RGS7: variants seen among roughly 807,000 people sequenced by gnomAD.
RGS7 encodes the protein regulator of G-protein signaling 7.
A neutral mutation model predicts 81.1 loss-of-function variants in RGS7; 27 were observed. The observed-to-expected ratio is 0.33, with a 90% CI of 0.25 to 0.46. RGS7 has a LOEUF of 0.46. RGS7 is among the 20% of genes least tolerant of loss of function. The pLI is 1.00. For missense variants in RGS7, 396 were observed against 607.4 expected (o/e 0.65, Z 3.66); for synonymous variants, 208 against 207.7 (o/e 1.00, Z -0.01).
intron 3 of RGS7, among the ~76,000 whole-genome samples, chr1:241,063,646 C>T (rs146094522): frequency 6.6e-6 from 1 of 152,284 alleles, no homozygotes; most frequent in East Asian, 1.9e-4. Flanking sequence ...ATATCTTGTC[C>T]TATTTTCCAA....
chr1:240,887,956 G>A (rs970112491), intron 6 of RGS7, among the ~76,000 whole-genome samples: 2 of 152,024 alleles, frequency 1.3e-5, no homozygotes, highest in Admixed American at 1.3e-4. Context: ...GGCCACTTGG[G>A]GATACAAAAG....
In RGS7 at chr1:240,958,127, G is replaced by A. The variant is rs529274171; in HGVS notation, c.227-21421C>T. On this transcript the variant is annotated intron_variant, in intron 4 of 18. Transcript: ENST00000440928. Reference sequence around the variant, plus strand: ...CTACAAGTTGAGAAAGCCTCAGGCCGGAGAAGGATGCAAGGCTGTGTCCTT... The same window carrying A: ...CTACAAGTTGAGAAAGCCTCAGGCCAGAGAAGGATGCAAGGCTGTGTCCTT... Among the ~76,000 whole-genome samples the A allele has an allele frequency of 4.6e-5, 7 of 152,328 alleles. No homozygotes were observed. The East Asian group carries it at 9.7e-4, about 21-fold the overall frequency.
At chr1:240,902,810 A>G (rs1670224392) in intron 6 of RGS7, among the ~76,000 whole-genome samples, 1 of 152,232 alleles carries the variant, frequency 6.6e-6, no homozygotes, top group Admixed American at 6.5e-5. Flanking sequence ...GAATTAAATG[A>G]TATTAGTAAC....
At chr1:241,224,463 A>G (rs563279150) in intron 2 of RGS7, among the ~76,000 whole-genome samples, 4 of 152,192 alleles carry the variant, frequency 2.6e-5, no homozygotes, top group South Asian at 2.1e-4. Flanking sequence ...TCCAAGGTGT[A>G]TATGTGGTAC....
intron 4 of RGS7, among the ~76,000 whole-genome samples, chr1:240,977,395 ATG>A (rs760373215): frequency 2.8e-4 from 40 of 144,138 alleles, no homozygotes; most frequent in East Asian, 5.8e-4. Flanking sequence ...ATACACACAT[ATG>A]TGTGTGTGTG....
At chr1:241,075,694 T>C (rs148657244) in intron 3 of RGS7, among the ~76,000 whole-genome samples, 3,625 of 152,326 alleles carry the variant, frequency 0.024, 61 homozygotes, top group Non-Finnish European at 0.038. Context: ...ATGCAGCCTG[T>C]GGGCCATGGG....
At chr1:241,094,358 T>C in intron 3 of RGS7, among the ~76,000 whole-genome samples, 1 of 152,050 alleles carries the variant, frequency 6.6e-6, no homozygotes, top group Non-Finnish European at 1.5e-5. Context: ...AATTCTATAA[T>C]GTACATACAC....
chr1:240,868,177 CGAAGGAAGGAAG>C lies in RGS7; in HGVS notation c.609+398_609+409del, dbSNP rs959497079. ...AAGAAAGGACGGAGGGAGGGAAGGA[CGAAGGAAGGAAG>C]GAAGGAACGAAGGAACGAAGGGAGG... On this transcript the variant is annotated intron_variant, in intron 9 of 18. Coordinates refer to ENST00000440928, the MANE Select transcript of RGS7 (RefSeq NM_001364886.1). This position sits in a 1 kb window ranked among gnomAD's most constrained non-coding sequence, Gnocchi z 5.1. Among the ~76,000 whole-genome samples, 1 of 130,540 alleles carries C rather than the reference CGAAGGAAGGAAG, an allele frequency of 7.7e-6. No homozygotes were observed. Among genetic ancestry groups the C allele is most frequent in the Non-Finnish European group, 1.6e-5 (1 of 61,794 alleles). The allele number at this position is 130,540 out of a possible 152,430, so 85.6% of individuals were successfully genotyped here.
intron 5 of RGS7, among the ~76,000 whole-genome samples, chr1:240,934,957 C>T (rs1345501471): frequency 7.2e-5 from 10 of 138,420 alleles, no homozygotes; most frequent in Non-Finnish European, 1.4e-4. Context: ...GGCACAATCT[C>T]GGCTCACTGC....
intron 3 of RGS7, among the ~76,000 whole-genome samples, chr1:241,029,082 T>G (rs2059937787): frequency 6.6e-6 from 1 of 152,180 alleles, no homozygotes; most frequent in Non-Finnish European, 1.5e-5. Context: ...AAGAGATTTC[T>G]GGAGGCTGGC....
chr1:241,100,374 C>CA (rs753787286), intron 2 of RGS7, among the ~76,000 whole-genome samples: 19,059 of 79,774 alleles, frequency 0.24, 2,183 homozygotes, highest in African/African-American at 0.32. Context: ...GACTCCATTT[C>CA]AAAAAAAAAA....
chr1:240,843,244 T>A (rs184021301), intron 9 of RGS7, among the ~76,000 whole-genome samples: 10 of 152,084 alleles, frequency 6.6e-5, no homozygotes, highest in Admixed American at 1.3e-4. Context: ...AATGAACATA[T>A]GTAAGGACAA....
chr1:241,241,472 C>T (rs1009318920), intron 2 of RGS7, among the ~76,000 whole-genome samples: 5 of 152,220 alleles, frequency 3.3e-5, no homozygotes, highest in South Asian at 2.1e-4. Flanking sequence ...CCATGTTCCA[C>T]GGGCTTAAAC....
At chr1:241,290,603 C>T (rs1405774908) in intron 2 of RGS7, among the ~76,000 whole-genome samples, 1 of 152,104 alleles carries the variant, frequency 6.6e-6, no homozygotes, top group Admixed American at 6.6e-5. Flanking sequence ...ATAAATGATC[C>T]TCTCAACTGC....
intron 2 of RGS7, among the ~76,000 whole-genome samples, chr1:241,161,716 T>C (rs1019745586): frequency 1.4e-5 from 2 of 142,812 alleles, no homozygotes; most frequent in Non-Finnish European, 3.1e-5. Context: ...AACTGTTTTA[T>C]TGCTTTTTTT....
intron 2 of RGS7, among the ~76,000 whole-genome samples, chr1:241,248,758 G>C (rs1314853203): frequency 1.3e-5 from 2 of 152,178 alleles, no homozygotes; most frequent in African/African-American, 4.8e-5. Context: ...TCAAACACGA[G>C]CAAGGCATAT....
Position 240,806,276 on chromosome 1 carries a change from G to A in RGS7, c.1133C>T (p.Pro378Leu). The A allele has an allele frequency of 6.2e-7, 1 of 1,613,980 alleles. No homozygotes were observed. The highest frequency in any genetic ancestry group is 8.5e-7 in the Non-Finnish European group (1 of 1,179,950). The part of the protein sequence containing the change: ...DLKKRPIKEV[P>L]SRVQEIWQEF... ...TTGCCATATTTCCTGAACTCTTGAG[G>A]GTACTTCTTTAATAGGCCTCTTTTT... The change falls in exon 15 of 19, where the codon CCC (proline) becomes CTC (leucine). Residue 378 changes from proline to leucine, a missense_variant. Coordinates refer to ENST00000440928, the MANE Select transcript of RGS7 (RefSeq NM_001364886.1).
intron 3 of RGS7, among the ~76,000 whole-genome samples, chr1:241,045,754 CCTT>C (rs1192211918): frequency 1.3e-5 from 2 of 152,146 alleles, no homozygotes; most frequent in Non-Finnish European, 2.9e-5. Flanking sequence ...TGCAACTCCT[CCTT>C]GTTTTCCTGT....
At chr1:241,184,190 T>C (rs1014329958) in intron 2 of RGS7, among the ~76,000 whole-genome samples, 5 of 151,840 alleles carry the variant, frequency 3.3e-5, no homozygotes, top group Non-Finnish European at 5.9e-5. Context: ...GCCTAATTGA[T>C]CAGCAGAAAA....
Sources: allele counts gnomAD v4.1 joint callset (sites outside exome capture counted in the v4.1 genomes callset), GRCh38; gene constraint gnomAD v4.1.1; non-coding constraint Gnocchi (gnomAD v3.1); transcripts MANE v1.5; gene names NCBI Gene and HGNC (gene_info 2026-07-23, HGNC 2026-07-21).